DNAH17: variants seen among roughly 807,000 people sequenced by gnomAD.
The protein encoded by DNAH17 is dynein axonemal heavy chain 17, also known as axonemal beta dynein heavy chain 17.
In DNAH17, 376 loss-of-function variants were observed where a neutral mutation model predicts 485.6. The observed-to-expected ratio is 0.77, with a 90% CI of 0.71 to 0.84. The LOEUF (loss-of-function observed/expected upper bound fraction) is 0.84. Ranked by LOEUF, DNAH17 falls within the 40% of genes least tolerant of loss-of-function variation. The pLI is 0.00. For missense variants in DNAH17, 6,370 were observed against 5,839.3 expected, an observed-to-expected ratio of 1.09 and a Z score of -2.96; for synonymous variants, 3,031 against 2,405.9, an observed-to-expected ratio of 1.26 and a Z score of -7.60.
chr17:78,569,649 C>T, intron 7 of DNAH17, 122 bp from the exon 8 acceptor site: 1 of 1,265,234 alleles, frequency 7.9e-7, no homozygotes, highest in South Asian at 1.6e-5. Flanking sequence ...ATAACCCCTC[C>T]TATCTGCCCA....
At position 78,553,962 on chromosome 17, in the gene DNAH17, A is replaced by AT. The variant is rs1318750988; in HGVS notation, c.2179-1158dup. Among the ~76,000 whole-genome samples the AT allele has an allele frequency of 1.1e-4, 16 of 151,840 alleles. No homozygotes were observed. In the East Asian group the frequency reaches 1.6e-3, roughly 15 times the overall value. On this transcript the variant is annotated intron_variant, in intron 14 of 80. Transcript: ENST00000389840. ...TTCCCTGGTCAATCTAAAGCTCAAAATCTTTTTTTTAATATAGAGATGGGA... is the reference window on the plus strand; with the variant it reads ...TTCCCTGGTCAATCTAAAGCTCAAAATTCTTTTTTTTAATATAGAGATGGGA...
chr17:78,459,795 C>G lies in DNAH17; in HGVS notation c.9642G>C (p.Leu3214=). ...FDKEHIPEAC[L]KAFKPYQGNP... ...CAGCCCCGACTCACTTGAAGGCCTT[C>G]AGGCAGGCCTCAGGGATGTGCTCCT... is the stretch of plus-strand genomic sequence containing the variant. The change falls in exon 60 of 81, where the codon CTG becomes CTC. Residue 3214 remains leucine, a synonymous_variant. Transcript: ENST00000389840. The G allele has an allele frequency of 6.2e-7, 1 of 1,614,050 alleles. No individual in the cohort carries two copies. The highest frequency in any genetic ancestry group is 8.5e-7 in the Non-Finnish European group (1 of 1,179,896).
intron 54 of DNAH17, among the ~76,000 whole-genome samples, chr17:78,469,362 C>T (rs756990575): frequency 3.9e-5 from 6 of 152,286 alleles, no homozygotes; most frequent in Middle Eastern, 6.8e-3. Context: ...AGGAGGGCCT[C>T]GATCTCTTGA....
At chr17:78,440,181 T>G (rs547612440) in intron 72 of DNAH17, among the ~76,000 whole-genome samples, 10 of 147,510 alleles carry the variant, frequency 6.8e-5, no homozygotes, top group African/African-American at 2.2e-4. Flanking sequence ...GTGCTCCTCC[T>G]GTCTCAGACT....
rs16971452 is a variant in DNAH17, at chr17:78,495,863, T to A, written c.5903+12A>T. 217 of 1,608,378 alleles carry A rather than the reference T, an allele frequency of 1.3e-4. 1 individual carries two copies. The African/African-American group carries it at 2.7e-3, about 20-fold the overall frequency. ...CTCACTGCAGCCACTCACTTTCACC[T>A]GGGCCACGTACCTGAATAAGGCTTT... On this transcript the variant is annotated intron_variant, in intron 38 of 80. Transcript: ENST00000389840.
intron 80 of DNAH17, 39 bp downstream of exon 80, chr17:78,425,307 C>G (rs2086393201): frequency 6.3e-7 from 1 of 1,590,600 alleles, no homozygotes; most frequent in African/African-American, 1.3e-5. Context: ...GTAGCACTGG[C>G]TCTGGAAGCT....
At position 78,449,402 on chromosome 17, in the gene DNAH17, GC is replaced by G; in HGVS notation, c.11211+11del. 6.5e-7 allele frequency: 1 copy of G among 1,547,236 alleles called. No individual in the cohort carries two copies. The highest frequency in any genetic ancestry group is 8.7e-7 in the Non-Finnish European group (1 of 1,144,534). On this transcript the variant is annotated intron_variant, in intron 69 of 80. Transcript: ENST00000389840. ...CACGGACCACACTAGGAACAGTGAG[GC>G]TAGACATTACCTGAAACGTAACTTG...
chr17:78,494,327 G>A (rs184891603), intron 40 of DNAH17, 154 bp from the exon 41 acceptor site: 14,428 of 1,199,542 alleles, frequency 0.012, 121 homozygotes, highest in Middle Eastern at 0.02. Flanking sequence ...TGTCAATGCC[G>A]AGAGTTGACA....
chr17:78,573,156 T>TC (rs953188183), intron 2 of DNAH17, among the ~76,000 whole-genome samples: 1 of 152,050 alleles, frequency 6.6e-6, no homozygotes, highest in Non-Finnish European at 1.5e-5. Flanking sequence ...ACCAAAGCCA[T>TC]CCCCAAGCTC....
At chr17:78,542,534 T>C (rs1341206539) in intron 17 of DNAH17, among the ~76,000 whole-genome samples, 1 of 152,166 alleles carries the variant, frequency 6.6e-6, no homozygotes, top group East Asian at 1.9e-4. Context: ...CAAACTAAAA[T>C]GCAAGCTGGG....
At chr17:78,515,852 G>C (rs1296832081) in intron 25 of DNAH17, among the ~76,000 whole-genome samples, 1 of 152,352 alleles carries the variant, frequency 6.6e-6, no homozygotes, top group African/African-American at 2.4e-5. Context: ...GATGTGTGGG[G>C]TTGTTACCGC....
At chr17:78,446,322 G>C (rs1331401259) in intron 69 of DNAH17, among the ~76,000 whole-genome samples, 1 of 151,882 alleles carries the variant, frequency 6.6e-6, no homozygotes, top group African/African-American at 2.4e-5. Flanking sequence ...CCCTGAAGCA[G>C]CCACTCCCCA....
In DNAH17 at chr17:78,561,867, G is replaced by C. The variant is rs769605857; in HGVS notation, c.1683C>G (p.Ile561Met). The C allele has an allele frequency of 6.2e-7, 1 of 1,613,984 alleles. No homozygotes were observed. Among genetic ancestry groups the C allele is most frequent in the Admixed American group, 1.7e-5 (1 of 60,028 alleles). Reference protein sequence around the residue: ...LFDAELDNAKILYDAQMAASE... With the variant: ...LFDAELDNAKMLYDAQMAASE... ...AGGCCGCCATCTGGGCATCGTACAA[G>C]ATCTTAGCATTGTCTAGCTCAGCGT... Residue 561 changes from isoleucine to methionine, a missense_variant, in exon 12 of 81, where the codon ATC becomes ATG. Ile to Met is a conservative substitution (Grantham distance 10). Transcript: ENST00000389840.
intron 14 of DNAH17, among the ~76,000 whole-genome samples, chr17:78,556,058 T>C (rs2092014690): frequency 6.6e-6 from 1 of 152,242 alleles, no homozygotes; most frequent in Admixed American, 6.5e-5. Flanking sequence ...TTCCTCACAA[T>C]AAATCTCCAT....
Position 78,570,240 on chromosome 17 carries a change from G to T in DNAH17, c.1044+7C>A. ...GGAAGGGGACCCAGGGGCCAGGGGA[G>T]GGTTACCATCTCGATGATTTGGTTG... On this transcript the variant is annotated splice_region_variant and intron_variant, in intron 7 of 80. Transcript: ENST00000389840. 2 of 1,576,774 alleles carry T rather than the reference G, an allele frequency of 1.3e-6. No individual in the cohort carries two copies. The highest frequency in any genetic ancestry group is 4.6e-5 in the East Asian group (2 of 43,314).
At chr17:78,562,563 A>T (rs2092179913) in intron 11 of DNAH17, among the ~76,000 whole-genome samples, 1 of 151,894 alleles carries the variant, frequency 6.6e-6, no homozygotes, top group Non-Finnish European at 1.5e-5. Context: ...TCAAGGCTGC[A>T]GTGAGCCAAG....
intron 25 of DNAH17, among the ~76,000 whole-genome samples, chr17:78,523,380 T>A (rs1228550220): frequency 6.6e-6 from 1 of 152,234 alleles, no homozygotes; most frequent in African/African-American, 2.4e-5. Flanking sequence ...TGCCTTGGCC[T>A]CCCAAAGTGC....
At chr17:78,460,051 C>A (rs560560049) in intron 59 of DNAH17, 50 bp from the exon 60 acceptor site, 86 of 1,603,528 alleles carry the variant, frequency 5.4e-5, no homozygotes, top group Middle Eastern at 2.1e-4. Context: ...ACCGGGTCCT[C>A]GGTGATGCCC....
At chr17:78,458,745 C>T (rs2087933666) in intron 61 of DNAH17, 65 bp from the exon 62 acceptor site, 3 of 1,425,664 alleles carry the variant, frequency 2.1e-6, no homozygotes, top group Non-Finnish European at 2.0e-6. Context: ...CCTGCAGCGG[C>T]AGCAGGGCTG....
Sources: allele counts gnomAD v4.1 joint callset (sites outside exome capture counted in the v4.1 genomes callset), GRCh38; gene constraint gnomAD v4.1.1; transcripts MANE v1.5; gene names NCBI Gene and HGNC (gene_info 2026-07-23, HGNC 2026-07-21).